The following R3HDM2 variants were observed in gnomAD, a reference collection of about 807,000 sequenced individuals.
R3HDM2 encodes the protein R3H domain containing 2.
In R3HDM2, 38 loss-of-function variants were observed where a neutral mutation model predicts 124.5. The observed-to-expected ratio is 0.31, with a 90% CI of 0.24 to 0.40. R3HDM2 has a LOEUF of 0.40. Among genes scored for constraint, R3HDM2 ranks in the 10% least tolerant of loss-of-function variants. R3HDM2 has a pLI of 1.00. For missense variants in R3HDM2, 869 were observed against 1,236.9 expected (o/e 0.70, Z 4.46); for synonymous variants, 391 against 448.0 (o/e 0.87, Z 1.61).
At chr12:57,423,657 C>A (rs1387286882) in intron 1 of R3HDM2, among the ~76,000 whole-genome samples, 1 of 150,780 alleles carries the variant, frequency 6.6e-6, no homozygotes, top group African/African-American at 2.4e-5. Context: ...ACTAAAAATA[C>A]AAAAATTAGC....
intron 2 of R3HDM2, among the ~76,000 whole-genome samples, chr12:57,370,322 G>A (rs147346492): frequency 1.0e-4 from 15 of 150,290 alleles, no homozygotes; most frequent in South Asian, 4.2e-4. Flanking sequence ...CCAGGCACGC[G>A]GAACTTCCTG....
At chr12:57,352,241 CA>C (rs776229504) in intron 2 of R3HDM2, among the ~76,000 whole-genome samples, 4,461 of 48,412 alleles carry the variant, frequency 0.092, 58 homozygotes, top group African/African-American at 0.23. Context: ...GACTCCATCT[CA>C]AAAAAAAAAA....
At chr12:57,289,256 T>C (rs908536175) in intron 11 of R3HDM2, among the ~76,000 whole-genome samples, 2 of 152,084 alleles carry the variant, frequency 1.3e-5, no homozygotes, top group African/African-American at 2.4e-5. Flanking sequence ...TTTTAGCCTT[T>C]GGATAGGTGT....
intron 19 of R3HDM2, among the ~76,000 whole-genome samples, chr12:57,263,526 T>C (rs1307045502): frequency 6.6e-6 from 1 of 152,148 alleles, no homozygotes; most frequent in South Asian, 2.1e-4. Flanking sequence ...TGGAGTGCAG[T>C]GGCGCAATCT....
chr12:57,418,567 T>C (rs1290838888), intron 1 of R3HDM2, among the ~76,000 whole-genome samples: 1 of 151,382 alleles, frequency 6.6e-6, no homozygotes, highest in African/African-American at 2.4e-5. Context: ...ATATCTTCTT[T>C]TTTTTTTTTT....
chr12:57,415,707 T>A (rs2069520336), intron 1 of R3HDM2, among the ~76,000 whole-genome samples: 1 of 152,148 alleles, frequency 6.6e-6, no homozygotes, highest in African/African-American at 2.4e-5. Flanking sequence ...GTTAACATTA[T>A]CAATAATGAG....
At chr12:57,361,268 G>T (rs1438877817) in intron 2 of R3HDM2, among the ~76,000 whole-genome samples, 1 of 150,916 alleles carries the variant, frequency 6.6e-6, no homozygotes, top group Admixed American at 6.7e-5. Context: ...CCAGCTACTT[G>T]GGAGGCTGAG....
At chr12:57,279,228 G>A (rs1189585913) in intron 14 of R3HDM2, among the ~76,000 whole-genome samples, 1 of 147,486 alleles carries the variant, frequency 6.8e-6, no homozygotes, top group Non-Finnish European at 1.5e-5. Context: ...TGTCGCCCAG[G>A]CTAGAGAGCA....
At chr12:57,330,694 C>CTTTT (rs10571548) in intron 2 of R3HDM2, among the ~76,000 whole-genome samples, 31 of 70,660 alleles carry the variant, frequency 4.4e-4, no homozygotes, top group South Asian at 5.4e-4. Flanking sequence ...TAGGGCTTTT[C>CTTTT]TTTTTTTTTT....
chr12:57,423,409 G>T (rs2070396552), intron 1 of R3HDM2, among the ~76,000 whole-genome samples: 1 of 151,758 alleles, frequency 6.6e-6, no homozygotes. Context: ...GGGCAACAGA[G>T]CAAGACCCTG....
chr12:57,379,606 A>C (rs1024093555), intron 2 of R3HDM2, among the ~76,000 whole-genome samples: 3 of 152,074 alleles, frequency 2.0e-5, no homozygotes. Context: ...AATGAAAAAA[A>C]CGATAAGCTC....
intron 2 of R3HDM2, among the ~76,000 whole-genome samples, chr12:57,382,183 T>C (rs1446515775): frequency 2.6e-5 from 4 of 151,852 alleles, no homozygotes; most frequent in Non-Finnish European, 5.9e-5. Context: ...GACACAATCG[T>C]GGCTCACTGC....
intron 3 of R3HDM2, among the ~76,000 whole-genome samples, chr12:57,307,661 C>G (rs1029094395): frequency 6.8e-6 from 1 of 147,968 alleles, no homozygotes; most frequent in African/African-American, 2.5e-5. Flanking sequence ...GGGTCTCACT[C>G]TGTCACCCAG....
intron 3 of R3HDM2, among the ~76,000 whole-genome samples, chr12:57,304,994 G>A (rs553759748): frequency 4.7e-4 from 72 of 152,292 alleles, no homozygotes; most frequent in Admixed American, 3.3e-3. Flanking sequence ...GGCCAGCCTG[G>A]CCAACATGGC....
chr12:57,420,546 T>A (rs959137424), intron 1 of R3HDM2, among the ~76,000 whole-genome samples: 1 of 150,646 alleles, frequency 6.6e-6, no homozygotes. Flanking sequence ...TTAATAGAGA[T>A]GAGGTCTCAT....
intron 2 of R3HDM2, among the ~76,000 whole-genome samples, chr12:57,351,325 C>T (rs1028808913): frequency 2.0e-5 from 3 of 152,126 alleles, no homozygotes; most frequent in African/African-American, 7.2e-5. Flanking sequence ...AGAGCTGCTG[C>T]TGTAGAAGGC....
At chr12:57,340,311 G>A (rs1271250346) in intron 2 of R3HDM2, among the ~76,000 whole-genome samples, 2 of 152,168 alleles carry the variant, frequency 1.3e-5, no homozygotes, top group Non-Finnish European at 2.9e-5. Flanking sequence ...CGATTAATGA[G>A]GGTTGTCCAC....
chr12:57,279,768 T>G (rs1436299990), intron 14 of R3HDM2, among the ~76,000 whole-genome samples: 4 of 152,076 alleles, frequency 2.6e-5, no homozygotes, highest in African/African-American at 9.7e-5. Context: ...GATGCAAAAC[T>G]TCACTTAAAC....
chr12:57,312,928 CAAAAAAA>C (rs57500144), intron 2 of R3HDM2, among the ~76,000 whole-genome samples: 3 of 49,868 alleles, frequency 6.0e-5, no homozygotes, highest in Non-Finnish European at 1.3e-4. Context: ...GACTCTGGCT[CAAAAAAA>C]AAAAAAAAAA....
Sources: allele counts gnomAD v4.1 joint callset (sites outside exome capture counted in the v4.1 genomes callset), GRCh38; gene constraint gnomAD v4.1.1; transcripts MANE v1.5; gene names NCBI Gene and HGNC (gene_info 2026-07-23, HGNC 2026-07-21).